The following DTWD1 variants were observed in gnomAD, a reference collection of about 807,000 sequenced individuals.
DTWD1 encodes the protein DTW motif tRNA-uridine aminocarboxypropyltransferase 1.
In DTWD1, 27 loss-of-function variants were observed where a neutral mutation model predicts 30.2. The observed-to-expected ratio is 0.90, with a 90% CI of 0.66 to 1.23. DTWD1 has a LOEUF of 1.23. Ranked by LOEUF, DTWD1 falls within the 50% of genes most tolerant of loss-of-function variation. The pLI is 0.00. For missense variants in DTWD1, 342 were observed against 348.8 expected, an observed-to-expected ratio of 0.98 and a Z score of 0.15; for synonymous variants, 99 against 113.1, an observed-to-expected ratio of 0.88 and a Z score of 0.79.
intron 1 of DTWD1, among the ~76,000 whole-genome samples, chr15:49,624,509 G>A (rs765571886): frequency 2.0e-5 from 3 of 152,184 alleles, no homozygotes; most frequent in Admixed American, 6.5e-5. Context: ...CTTAGAGTAA[G>A]TGGACATTAA....
rs2079165919 is a variant in DTWD1 at position 49,653,898 on chromosome 15, G to A, written c.*10320G>A. The stretch of plus-strand genomic sequence containing the variant: ...TATAGAAAAGGAAAAATAGATGGAA[G>A]ATGGAGCCAAAATCCCAGAGGGAGG... On this transcript the variant is annotated 3_prime_UTR_variant, in exon 5 of 5. Coordinates refer to ENST00000403028, the MANE Select transcript of DTWD1 (RefSeq NM_001144955.2). The A allele has an allele frequency of 6.6e-6, 1 of 152,096 alleles. No homozygotes were observed. The highest frequency in any genetic ancestry group is 2.1e-4 in the South Asian group (1 of 4,832). The allele number at this position is 152,096 out of a possible 1,614,324, so 9.4% of individuals were successfully genotyped here. A position where few individuals can be genotyped will look rare whatever the true frequency, so the allele number is the denominator to read the frequency against.
chr15:49,640,966 A>G (rs1178494891), intron 4 of DTWD1, among the ~76,000 whole-genome samples: 2 of 151,862 alleles, frequency 1.3e-5, no homozygotes, highest in Non-Finnish European at 1.5e-5. Flanking sequence ...GATTTGCCTG[A>G]GGTTTTTTGT....
chr15:49,632,595 CCTT>C (rs1222360505), intron 3 of DTWD1, among the ~76,000 whole-genome samples: 4 of 152,174 alleles, frequency 2.6e-5, no homozygotes, highest in African/African-American at 7.2e-5. Flanking sequence ...TTTCTCCTCT[CCTT>C]CTCCTGTTTG....
At chr15:49,634,274 A>G (rs2078970799) in intron 3 of DTWD1, among the ~76,000 whole-genome samples, 1 of 152,078 alleles carries the variant, frequency 6.6e-6, no homozygotes, top group African/African-American at 2.4e-5. Flanking sequence ...TTTTTATTTC[A>G]AGTATGACTA....
At chr15:49,631,692 C>T (rs544499931) in intron 2 of DTWD1, among the ~76,000 whole-genome samples, 4 of 150,256 alleles carry the variant, frequency 2.7e-5, no homozygotes, top group East Asian at 4.0e-4. Flanking sequence ...ACCCAGGAGA[C>T]GGAGGTTGCA....
chr15:49,629,850 C>G (rs1308449817), intron 2 of DTWD1: 4 of 152,168 alleles, frequency 2.6e-5, no homozygotes, highest in Admixed American at 2.6e-4. Context: ...GTAGGAGATA[C>G]AGCATTTGAA....
rs1221910505 is a variant in DTWD1 at position 49,655,567 on chromosome 15, C to T, written c.*11989C>T. On this transcript the variant is annotated 3_prime_UTR_variant, in exon 5 of 5. Transcript: ENST00000403028. Reference sequence around the variant, plus strand: ...AAAGCAACTTCTATAAATATTGAGACATTCCCTTTCTACCTTTGGCTAAGA... The same window carrying T: ...AAAGCAACTTCTATAAATATTGAGATATTCCCTTTCTACCTTTGGCTAAGA... The T allele has an allele frequency of 6.6e-6, 1 of 151,972 alleles. No individual in the cohort carries two copies. The highest frequency in any genetic ancestry group is 2.4e-5 in the African/African-American group (1 of 41,412). 9.4% of individuals were successfully genotyped at this position (151,972 alleles called of 1,614,324 possible). A position where few individuals can be genotyped will look rare whatever the true frequency, so the allele number is the denominator to read the frequency against.
In DTWD1 at chr15:49,621,091, G is replaced by A. The variant is rs2153349395; in HGVS notation, c.-87G>A. ...CGGGCTCGGGCGGAGCTGGAGACGT[G>A]TGGAGCTGTTCGAGGACTCGCGGGT... On this transcript the variant is annotated 5_prime_UTR_variant, in exon 1 of 5. It adds an upstream start codon to the 5' untranslated region. Transcript: ENST00000403028. 6.5e-6 allele frequency: 1 copy of A among 152,698 alleles called. No homozygotes were observed. The highest frequency in any genetic ancestry group is 1.9e-4 in the East Asian group (1 of 5,192). The allele number at this position is 152,698 out of a possible 1,614,324, so 9.5% of individuals were successfully genotyped here. A position where few individuals can be genotyped will look rare whatever the true frequency, so the allele number is the denominator to read the frequency against.
chr15:49,643,791 G>A lies in DTWD1; in HGVS notation c.*213G>A, dbSNP rs1598670991. On this transcript the variant is annotated 3_prime_UTR_variant, in exon 5 of 5. Coordinates refer to ENST00000403028, the MANE Select transcript of DTWD1 (RefSeq NM_001144955.2). ...GTTGATTGAAAAACTTACTTCAGAA[G>A]TTATTTGCTCAGTGAAACCTCAGTT... The A allele has an allele frequency of 7.0e-6, 3 of 429,118 alleles. No homozygotes were observed. In the East Asian group the frequency reaches 1.4e-4, roughly 20 times the overall value. 26.6% of individuals were successfully genotyped at this position (429,118 alleles called of 1,614,324 possible).
chr15:49,625,605 A>G, intron 2 of DTWD1, 174 bp downstream of exon 2: 1 of 670,718 alleles, frequency 1.5e-6, no homozygotes, highest in African/African-American at 1.8e-5. Context: ...AGCAGGGCAC[A>G]TTTACTTCTG....
At chr15:49,626,872 C>T in intron 2 of DTWD1, 1 of 342,178 alleles carries the variant, frequency 2.9e-6, no homozygotes. Context: ...ACAGTTTGCT[C>T]CGAAAAAACA....
At chr15:49,639,391 A>G (rs188969701) in intron 4 of DTWD1, among the ~76,000 whole-genome samples, 36 of 152,198 alleles carry the variant, frequency 2.4e-4, no homozygotes, top group Admixed American at 7.2e-4. Flanking sequence ...CAAGGCCTAC[A>G]TCTCAACAAA....
intron 4 of DTWD1, among the ~76,000 whole-genome samples, chr15:49,639,961 A>G (rs577531067): frequency 1.3e-5 from 2 of 152,220 alleles, no homozygotes. Context: ...AAATTGTGAT[A>G]CATATGAAAT....
chr15:49,640,169 T>A lies in DTWD1; in HGVS notation c.668-3162T>A, dbSNP rs369349549. ...TTATAGTGTTATATATATGTTTTCA[T>A]AAACTATATATGATTTAGTTTTGCT... On this transcript the variant is annotated intron_variant, in intron 4 of 4. Coordinates refer to ENST00000403028, the MANE Select transcript of DTWD1 (RefSeq NM_001144955.2). Among the ~76,000 whole-genome samples the A allele has an allele frequency of 4.6e-5, 7 of 152,270 alleles. 1 individual carries two copies. The East Asian group carries it at 1.2e-3, about 25-fold the overall frequency.
At chr15:49,622,437 A>G (rs1419068156) in intron 1 of DTWD1, among the ~76,000 whole-genome samples, 1 of 152,216 alleles carries the variant, frequency 6.6e-6, no homozygotes, top group Non-Finnish European at 1.5e-5. Context: ...CTTGGTGAGT[A>G]TAATTAATTT....
Position 49,625,382 on chromosome 15 carries a change from G to A in DTWD1, c.215G>A (p.Cys72Tyr). The change falls in exon 2 of 5, where the codon TGT (cysteine) becomes TAT (tyrosine). Residue 72 changes from cysteine to tyrosine, a missense_variant. Transcript: ENST00000403028. ...TCCAGAATGTTCTACTGCTATACATGTTATGTTCCAGTTGAAAATGTACCT... is the reference window on the plus strand; with the variant it reads ...TCCAGAATGTTCTACTGCTATACATATTATGTTCCAGTTGAAAATGTACCT... ...GGSRMFYCYT[C>Y]YVPVENVPIE... The A allele has an allele frequency of 1.9e-6, 3 of 1,613,706 alleles. No individual in the cohort carries two copies. The highest frequency in any genetic ancestry group is 2.5e-6 in the Non-Finnish European group (3 of 1,179,810).
chr15:49,624,557 T>A (rs1405364226), intron 1 of DTWD1, among the ~76,000 whole-genome samples: 1 of 152,192 alleles, frequency 6.6e-6, no homozygotes, highest in East Asian at 1.9e-4. Context: ...TAGGATAATA[T>A]ATTTTACCTT....
chr15:49,634,591 A>G lies in DTWD1; in HGVS notation c.464A>G (p.His155Arg). Residue 155 changes from histidine to arginine, a missense_variant, in exon 4 of 5, where the codon CAT becomes CGT. By Grantham distance (29) the His-to-Arg change is conservative. Coordinates refer to ENST00000403028, the MANE Select transcript of DTWD1 (RefSeq NM_001144955.2). ...QSISIKDISF[H>R]LQKRIQNNVR... ...ATCTCAATAAAAGATATTTCTTTTC[A>G]TCTGCAAAAAAGGATTCAAAATAAT... 8 of 1,613,502 alleles carry G rather than the reference A, an allele frequency of 5.0e-6. No individual in the cohort carries two copies. Among genetic ancestry groups the G allele is most frequent in the Non-Finnish European group, 6.8e-6 (8 of 1,179,748 alleles).
chr15:49,655,496 A>G lies in DTWD1; in HGVS notation c.*11918A>G, dbSNP rs2079172902. On this transcript the variant is annotated 3_prime_UTR_variant, in exon 5 of 5. Transcript: ENST00000403028. ...ATCCTCATCAATGCAATTTTCTTTA[A>G]AACTCTGTGAGCCTTTATATCAGAT... The G allele has an allele frequency of 6.6e-6, 1 of 151,852 alleles. No homozygotes were observed. Among genetic ancestry groups the G allele is most frequent in the Admixed American group, 6.6e-5 (1 of 15,216 alleles). 9.4% of individuals were successfully genotyped at this position (151,852 alleles called of 1,614,324 possible).
Sources: allele counts gnomAD v4.1 joint callset (sites outside exome capture counted in the v4.1 genomes callset), GRCh38; gene constraint gnomAD v4.1.1; transcripts MANE v1.5; gene names NCBI Gene and HGNC (gene_info 2026-07-23, HGNC 2026-07-21).